The following SRGAP3 variants were observed in gnomAD, a reference collection of about 807,000 sequenced individuals.
SRGAP3 encodes the protein SLIT-ROBO Rho GTPase activating protein 3, also known as SLIT-ROBO Rho GTPase-activating protein 3.
Under a neutral mutation model 121.1 loss-of-function variants are expected in SRGAP3, and 39 were observed. The ratio of observed to expected loss-of-function variants is 0.32; its 90% CI spans 0.25 to 0.42. The LOEUF (loss-of-function observed/expected upper bound fraction) is 0.42. Among genes scored for constraint, SRGAP3 ranks in the 10% least tolerant of loss-of-function variants. The probability of loss-of-function intolerance (pLI) is 1.00; values close to 1 mark genes in which losing one functional copy is unlikely to be tolerated. For synonymous variants in SRGAP3, 601 were observed against 570.0 expected, an observed-to-expected ratio of 1.05 and a Z score of -0.77; for missense variants, 1,213 against 1,470.6, an observed-to-expected ratio of 0.82 and a Z score of 2.86.
chr3:9,202,806 T>G (rs991988648), intron 1 of SRGAP3, among the ~76,000 whole-genome samples: 16 of 152,206 alleles, frequency 1.1e-4, no homozygotes, highest in Non-Finnish European at 1.6e-4. Context: ...GCAAGACCAT[T>G]TCCCCAGCTG....
chr3:9,113,676 C>T (rs1948708235), intron 2 of SRGAP3, among the ~76,000 whole-genome samples: 1 of 151,968 alleles, frequency 6.6e-6, no homozygotes, highest in African/African-American at 2.4e-5. Context: ...TGGGTGGGAC[C>T]AGGTGGAGAT....
intron 14 of SRGAP3, 133 bp from the exon 15 acceptor site, chr3:9,015,864 G>A (rs888040420): frequency 2.1e-6 from 2 of 972,362 alleles, no homozygotes; most frequent in East Asian, 2.5e-5. Context: ...CCCCACATAT[G>A]AGGCCCCCCA....
chr3:9,189,991 G>A (rs1055422310), intron 1 of SRGAP3, among the ~76,000 whole-genome samples: 14 of 152,208 alleles, frequency 9.2e-5, no homozygotes, highest in South Asian at 6.2e-4. Context: ...ATGTATATTC[G>A]CATTTAATCC....
At chr3:9,229,628 C>A (rs377169355) in intron 1 of SRGAP3, among the ~76,000 whole-genome samples, 80 of 152,294 alleles carry the variant, frequency 5.3e-4, no homozygotes, top group South Asian at 3.5e-3. Context: ...AGCCACTGGA[C>A]AAGGGACAGG....
chr3:9,005,616 T>G lies in SRGAP3; in HGVS notation c.2227+4692A>C, dbSNP rs573784598. Among the ~76,000 whole-genome samples, 47 of 152,344 alleles carry G rather than the reference T, an allele frequency of 3.1e-4. 1 individual carries two copies. The highest frequency in any genetic ancestry group is 3.1e-3 in the Admixed American group (47 of 15,302). ...CCATCAAAAATTAAGTACTAATTCA[T>G]GCTACAGCATGGCTGAACCTAGAAA... is the stretch of plus-strand genomic sequence containing the variant. On this transcript the variant is annotated intron_variant, in intron 18 of 21. Coordinates refer to ENST00000383836, the MANE Select transcript of SRGAP3 (RefSeq NM_014850.4).
intron 1 of SRGAP3, among the ~76,000 whole-genome samples, chr3:9,345,318 C>A (rs546071324): frequency 6.6e-6 from 1 of 151,924 alleles, no homozygotes; most frequent in Admixed American, 6.6e-5. Flanking sequence ...CAGGGAGACA[C>A]CTGTCCCTGC....
chr3:9,355,300 C>T (rs541897696), intron 1 of SRGAP3, among the ~76,000 whole-genome samples: 2 of 152,342 alleles, frequency 1.3e-5, no homozygotes, highest in South Asian at 4.1e-4. Context: ...CCAATGAAAT[C>T]ACCTAGTAAC....
intron 3 of SRGAP3, among the ~76,000 whole-genome samples, chr3:9,093,509 CCGTT>C (rs906936343): frequency 5.3e-5 from 8 of 151,996 alleles, no homozygotes; most frequent in Admixed American, 3.3e-4. Flanking sequence ...ACTCATCCAT[CCGTT>C]CATTCATCCA....
chr3:8,982,069 C>G lies in SRGAP3; in HGVS notation c.*3450G>C. ...GACGGGGAGAGTGGGGTAGGAAGCA[C>G]AGCTTGTTCTCAATTTTATCCAAAA... On this transcript the variant is annotated 3_prime_UTR_variant, in exon 22 of 22. Coordinates refer to ENST00000383836, the MANE Select transcript of SRGAP3 (RefSeq NM_014850.4). 4.4e-6 allele frequency: 1 copy of G among 226,588 alleles called. No individual in the cohort carries two copies. The highest frequency in any genetic ancestry group is 8.8e-6 in the Non-Finnish European group (1 of 113,712). The allele number at this position is 226,588 out of a possible 1,614,324, so 14.0% of individuals were successfully genotyped here.
Position 9,064,487 on chromosome 3 carries a change from T to A in SRGAP3, c.581A>T (p.Lys194Met), listed in dbSNP as rs1560052666. 1 of 1,614,226 alleles carries A rather than the reference T, an allele frequency of 6.2e-7. No individual in the cohort carries two copies. The highest frequency in any genetic ancestry group is 8.5e-7 in the Non-Finnish European group (1 of 1,180,036). ...AEKQEEKQFN[K>M]SGDLSMNLLR... ...CAGGTTCATGCTGAGGTCTCCTGAC[T>A]TATTGAACTGCTTCTCCTCCTGCTT... Residue 194 changes from lysine to methionine, a missense_variant, in exon 5 of 22, where the codon AAG (lysine) becomes ATG (methionine). Coordinates refer to ENST00000383836, the MANE Select transcript of SRGAP3 (RefSeq NM_014850.4).
chr3:9,193,056 G>A (rs996421194), intron 1 of SRGAP3: 1 of 152,276 alleles, frequency 6.6e-6, no homozygotes, highest in Non-Finnish European at 1.5e-5. Context: ...AAACTCAAGA[G>A]ACAGAAAATA....
At chr3:9,097,383 G>A (rs1362010918) in intron 3 of SRGAP3, among the ~76,000 whole-genome samples, 1 of 152,106 alleles carries the variant, frequency 6.6e-6, no homozygotes, top group East Asian at 1.9e-4. Flanking sequence ...TTTTGATGGA[G>A]GCTATTATTA....
At chr3:9,044,311 T>C (rs888447192) in intron 10 of SRGAP3, among the ~76,000 whole-genome samples, 3 of 152,208 alleles carry the variant, frequency 2.0e-5, no homozygotes, top group African/African-American at 7.2e-5. Flanking sequence ...CCTCTGTTTT[T>C]TCAATCTGAT....
In SRGAP3 at chr3:9,248,985, T is replaced by C; in HGVS notation, c.-34A>G. The stretch of plus-strand genomic sequence containing the variant: ...GTGGCCAAAGGAACTGACAGGCTGT[T>C]TGATTTATTTCTCCTTTTCTTTTCG... On this transcript the variant is annotated 5_prime_UTR_variant, in exon 1 of 22. Coordinates refer to ENST00000383836, the MANE Select transcript of SRGAP3 (RefSeq NM_014850.4). 1 of 1,604,786 alleles carries C rather than the reference T, an allele frequency of 6.2e-7. No individual in the cohort carries two copies. The highest frequency in any genetic ancestry group is 8.5e-7 in the Non-Finnish European group (1 of 1,171,464).
intron 9 of SRGAP3, among the ~76,000 whole-genome samples, chr3:9,048,697 T>C (rs1945408132): frequency 6.6e-6 from 1 of 152,056 alleles, no homozygotes; most frequent in African/African-American, 2.4e-5. Flanking sequence ...TGGGGGTGTG[T>C]GCTGTGGTGC....
At chr3:9,309,905 C>T (rs1559270915) in intron 3 of SRGAP3, among the ~76,000 whole-genome samples, 2 of 152,118 alleles carry the variant, frequency 1.3e-5, no homozygotes, top group African/African-American at 4.8e-5. Context: ...CCAACATGAT[C>T]ATTCACTTAT....
intron 12 of SRGAP3, among the ~76,000 whole-genome samples, chr3:9,029,317 G>A (rs904644731): frequency 6.6e-6 from 1 of 152,156 alleles, no homozygotes; most frequent in Non-Finnish European, 1.5e-5. Flanking sequence ...AACAAGAAGA[G>A]GATTCTCCCC....
At chr3:9,189,932 C>T (rs1237687440) in intron 1 of SRGAP3, among the ~76,000 whole-genome samples, 1 of 152,186 alleles carries the variant, frequency 6.6e-6, no homozygotes, top group East Asian at 1.9e-4. Context: ...AATACTATAA[C>T]CATTTCTAAA....
chr3:9,341,611 G>C (rs1955789366), intron 1 of SRGAP3, among the ~76,000 whole-genome samples: 1 of 152,186 alleles, frequency 6.6e-6, no homozygotes, highest in Non-Finnish European at 1.5e-5. Context: ...CCCAAAGGAG[G>C]CTGGCAGACA....
Sources: allele counts gnomAD v4.1 joint callset (sites outside exome capture counted in the v4.1 genomes callset), GRCh38; gene constraint gnomAD v4.1.1; transcripts MANE v1.5; gene names NCBI Gene and HGNC (gene_info 2026-07-23, HGNC 2026-07-21).